RNFT2: variants seen among roughly 807,000 people sequenced by gnomAD.
The protein encoded by RNFT2 is E3 ubiquitin-protein ligase RNFT2.
Under a neutral mutation model 53.0 loss-of-function variants are expected in RNFT2, and 36 were observed. The ratio of observed to expected loss-of-function variants is 0.68; its 90% CI spans 0.52 to 0.90. The LOEUF (loss-of-function observed/expected upper bound fraction) is 0.90, where lower values mean the gene tolerates loss of function less well. Ranked by LOEUF, RNFT2 falls within the 40% of genes least tolerant of loss-of-function variation. The pLI is 0.00. For synonymous variants in RNFT2, 260 were observed against 253.2 expected, an observed-to-expected ratio of 1.03 and a Z score of -0.26; for missense variants, 514 against 585.6, an observed-to-expected ratio of 0.88 and a Z score of 1.26.
intron 7 of RNFT2, among the ~76,000 whole-genome samples, chr12:116,805,424 G>A (rs1874997996): frequency 6.6e-6 from 1 of 152,126 alleles, no homozygotes; most frequent in African/African-American, 2.4e-5. Context: ...CTGCAGAACA[G>A]GCCAGCAGGC....
At chr12:116,781,275 AG>A (rs1441748357) in intron 7 of RNFT2, among the ~76,000 whole-genome samples, 1 of 152,056 alleles carries the variant, frequency 6.6e-6, no homozygotes, top group Non-Finnish European at 1.5e-5. Context: ...CTCTCTGCCC[AG>A]GGGGCTGACC....
intron 10 of RNFT2, among the ~76,000 whole-genome samples, chr12:116,847,775 C>T (rs1877694957): frequency 1.3e-5 from 2 of 152,302 alleles, no homozygotes; most frequent in East Asian, 1.9e-4. Flanking sequence ...GATCCGCCCA[C>T]CTCAGCCTCC....
Position 116,852,049 on chromosome 12 carries a change from G to A in RNFT2, c.*2601G>A, listed in dbSNP as rs995637054. The A allele has an allele frequency of 2.4e-5, 28 of 1,179,236 alleles. No homozygotes were observed. Among genetic ancestry groups the A allele is most frequent in the Non-Finnish European group, 3.1e-5 (27 of 867,452 alleles). The allele number at this position is 1,179,236 out of a possible 1,614,324, so 73.0% of individuals were successfully genotyped here. On this transcript the variant is annotated 3_prime_UTR_variant, in exon 11 of 11. Transcript: ENST00000257575. ...GTGCTTCTGTGATCTCTATGACAGA[G>A]CCACTTCTCCACCTCTGAAATGTTC... is the stretch of plus-strand genomic sequence containing the variant.
chr12:116,798,537 C>A (rs1874615529), intron 7 of RNFT2, among the ~76,000 whole-genome samples: 1 of 152,098 alleles, frequency 6.6e-6, no homozygotes, highest in African/African-American at 2.4e-5. Context: ...AAAATGGGAT[C>A]ATAATAGTAC....
rs1373109262 is a variant in RNFT2 at position 116,788,878 on chromosome 12, G to A, written c.882+9530G>A. On this transcript the variant is annotated intron_variant, in intron 7 of 10. Coordinates refer to ENST00000257575, the MANE Select transcript of RNFT2 (RefSeq NM_001382266.1). ...TGGGAGGAGAGTGGATGGATGAATG[G>A]GTAGGTGGATGGGTAAATGGGAGGA... Among the ~76,000 whole-genome samples the A allele has an allele frequency of 4.0e-5, 6 of 150,464 alleles. No individual in the cohort carries two copies. The East Asian group carries it at 1.2e-3, about 30-fold the overall frequency.
At chr12:116,849,184 C>A in intron 10 of RNFT2, 130 bp from the exon 11 acceptor site, 1 of 654,904 alleles carries the variant, frequency 1.5e-6, no homozygotes, top group Non-Finnish European at 2.6e-6. Flanking sequence ...CGCATTGTCT[C>A]CCCAACGCGA....
intron 7 of RNFT2, among the ~76,000 whole-genome samples, chr12:116,827,419 G>A (rs1045326942): frequency 6.6e-6 from 1 of 152,120 alleles, no homozygotes; most frequent in Non-Finnish European, 1.5e-5. Context: ...TGCAAAGGAA[G>A]AGCTTGGTGT....
At chr12:116,808,852 C>T (rs1049380461) in intron 7 of RNFT2, among the ~76,000 whole-genome samples, 2 of 152,146 alleles carry the variant, frequency 1.3e-5, no homozygotes, top group Non-Finnish European at 2.9e-5. Context: ...CCCCTGGCTC[C>T]CCCACTCTCA....
At position 116,839,157 on chromosome 12, in the gene RNFT2, A is replaced by G. The variant is rs150634090; in HGVS notation, c.1200+2875A>G. ...TTTTTCCTACTTAGCACTTATTCCAATTGTTAACTAGGTAGTTCATTTGGT... is the reference window on the plus strand; with the variant it reads ...TTTTTCCTACTTAGCACTTATTCCAGTTGTTAACTAGGTAGTTCATTTGGT... On this transcript the variant is annotated intron_variant, in intron 10 of 10. Transcript: ENST00000257575. 2.5e-3 allele frequency among the ~76,000 whole-genome samples: 379 copies of G among 152,192 alleles called. 2 individuals carry two copies. The highest frequency in any genetic ancestry group is 8.5e-3 in the African/African-American group (353 of 41,526).
At chr12:116,825,284 AAAGG>A (rs1226671274) in intron 7 of RNFT2, among the ~76,000 whole-genome samples, 2 of 152,222 alleles carry the variant, frequency 1.3e-5, no homozygotes, top group Non-Finnish European at 2.9e-5. Context: ...AGAACAAGCA[AAAGG>A]AAGGAAGTGA....
chr12:116,767,079 T>C (rs1364802765), intron 6 of RNFT2, among the ~76,000 whole-genome samples, 165 bp downstream of exon 6: 1 of 152,212 alleles, frequency 6.6e-6, no homozygotes, highest in Non-Finnish European at 1.5e-5. Flanking sequence ...CAGCACTCAA[T>C]AGTAGAATTT....
At chr12:116,751,782 T>C (rs1179861107) in intron 4 of RNFT2, among the ~76,000 whole-genome samples, 2 of 151,200 alleles carry the variant, frequency 1.3e-5, no homozygotes, top group Non-Finnish European at 2.9e-5. Flanking sequence ...GTTTTTGAGA[T>C]GGAGTCTCAC....
At chr12:116,849,225 G>C (rs1251719998) in intron 10 of RNFT2, 89 bp from the exon 11 acceptor site, 1 of 1,119,278 alleles carries the variant, frequency 8.9e-7, no homozygotes, top group Non-Finnish European at 1.3e-6. Flanking sequence ...GGGGTTGTCT[G>C]TCTAGTCCGC....
chr12:116,762,891 C>T (rs917906543), intron 5 of RNFT2, among the ~76,000 whole-genome samples: 34 of 152,182 alleles, frequency 2.2e-4, no homozygotes, highest in Admixed American at 5.9e-4. Flanking sequence ...GGATTACAGG[C>T]GTGAGCCACC....
At chr12:116,750,551 T>C (rs980008946) in intron 4 of RNFT2, among the ~76,000 whole-genome samples, 4 of 151,900 alleles carry the variant, frequency 2.6e-5, no homozygotes, top group African/African-American at 7.3e-5. Context: ...GGGGTTAGGA[T>C]AGAAACTTCC....
intron 6 of RNFT2, among the ~76,000 whole-genome samples, chr12:116,774,169 G>A (rs1417820066): frequency 6.6e-6 from 1 of 152,192 alleles, no homozygotes; most frequent in African/African-American, 2.4e-5. Context: ...TACTGCTAAT[G>A]GGTACAGAGT....
At chr12:116,787,735 A>T (rs1018327115) in intron 7 of RNFT2, among the ~76,000 whole-genome samples, 7 of 149,010 alleles carry the variant, frequency 4.7e-5, no homozygotes, top group African/African-American at 1.7e-4. Flanking sequence ...AAAAAAAAAG[A>T]TATAATGTGT....
intron 5 of RNFT2, chr12:116,756,022 G>A (rs1030550974): frequency 1.7e-6 from 1 of 597,418 alleles, no homozygotes; most frequent in Non-Finnish European, 3.0e-6. Context: ...TTTTCTTTTT[G>A]CTTAGTCTTG....
At chr12:116,742,484 C>G (rs1050163055) in intron 3 of RNFT2, among the ~76,000 whole-genome samples, 7 of 152,056 alleles carry the variant, frequency 4.6e-5, no homozygotes, top group Admixed American at 2.6e-4. Context: ...CCAGGCTAGT[C>G]TCAAACTCCC....
Sources: allele counts gnomAD v4.1 joint callset (sites outside exome capture counted in the v4.1 genomes callset), GRCh38; gene constraint gnomAD v4.1.1; transcripts MANE v1.5; gene names NCBI Gene and HGNC (gene_info 2026-07-23, HGNC 2026-07-21).